Variants in VPS45 observed in about 807,000 individuals in gnomAD.
VPS45 encodes vacuolar protein sorting 45 homolog.
A neutral mutation model predicts 75.9 loss-of-function variants in VPS45; 35 were observed. The observed-to-expected ratio is 0.46, with a 90% CI of 0.35 to 0.61. The LOEUF (loss-of-function observed/expected upper bound fraction) is 0.61. Ranked by LOEUF, VPS45 falls within the 20% of genes least tolerant of loss-of-function variation. The probability of loss-of-function intolerance (pLI) is 0.00; values close to 1 mark genes in which losing one functional copy is unlikely to be tolerated. For synonymous variants in VPS45, 220 were observed against 238.2 expected (o/e 0.92, Z 0.70); for missense variants, 559 against 685.9 (o/e 0.81, Z 2.07).
At chr1:150,110,448 C>CT (rs782440802) in intron 13 of VPS45, 48 bp from the exon 14 acceptor site, 1,292 of 1,502,672 alleles carry the variant, frequency 8.6e-4, no homozygotes, top group South Asian at 1.6e-3. Flanking sequence ...AGTCACAGTC[C>CT]TTTTTTTTTC....
intron 10 of VPS45, among the ~76,000 whole-genome samples, chr1:150,090,324 C>G (rs1487587792): frequency 6.6e-6 from 1 of 152,206 alleles, no homozygotes; most frequent in Non-Finnish European, 1.5e-5. Context: ...TTCTCAACAA[C>G]CCAATATACT....
chr1:150,130,345 T>G (rs1047856994), intron 14 of VPS45, among the ~76,000 whole-genome samples: 1 of 151,800 alleles, frequency 6.6e-6, no homozygotes, highest in African/African-American at 2.4e-5. Flanking sequence ...TGTACCACCA[T>G]GCCCAACTAA....
rs1435775598 is a variant in VPS45, at chr1:150,082,654, G to A, written c.937-62G>A. 3.8e-6 allele frequency: 6 copies of A among 1,568,436 alleles called. No individual in the cohort carries two copies. In the Admixed American group the frequency reaches 9.1e-5, roughly 24 times the overall value. On this transcript the variant is annotated intron_variant, in intron 9 of 14. Transcript: ENST00000644510. ...CCCCGCTTTCCCCAACCCCCATTCAGTACATGCTTATCCTCAGTCAAAAAA... is the reference window on the plus strand; with the variant it reads ...CCCCGCTTTCCCCAACCCCCATTCAATACATGCTTATCCTCAGTCAAAAAA...
Position 150,116,616 on chromosome 1 carries a change from C to G in VPS45, c.1625+5989C>G, listed in dbSNP as rs192795883. On this transcript the variant is annotated intron_variant, in intron 14 of 14. Coordinates refer to ENST00000644510, the MANE Select transcript of VPS45 (RefSeq NM_007259.5). ...CTTGAATGCCTAATGCTGCATTATTCTCTAAATAATATTTAATAATTTAGG... is the reference window on the plus strand; with the variant it reads ...CTTGAATGCCTAATGCTGCATTATTGTCTAAATAATATTTAATAATTTAGG... Among the ~76,000 whole-genome samples, 33 of 152,302 alleles carry G rather than the reference C, an allele frequency of 2.2e-4. No homozygotes were observed. In the East Asian group the frequency reaches 5.6e-3, roughly 26 times the overall value.
rs782012794 is a variant in VPS45, at chr1:150,082,689, C to T, written c.937-27C>T. On this transcript the variant is annotated intron_variant, in intron 9 of 14. Transcript: ENST00000644510. ...ATCCTCAGTCAAAAAATAACAGAAC[C>T]TCCCATTGATGTTTTTCCCATGGCA... 17 of 1,601,620 alleles carry T rather than the reference C, an allele frequency of 1.1e-5. No individual in the cohort carries two copies. The South Asian group carries it at 1.9e-4, about 18-fold the overall frequency.
intron 13 of VPS45, among the ~76,000 whole-genome samples, chr1:150,107,552 C>G (rs1657398822): frequency 6.6e-6 from 1 of 152,130 alleles, no homozygotes; most frequent in Non-Finnish European, 1.5e-5. Context: ...CCAACTTTTC[C>G]CAACAGTTAC....
At chr1:150,142,247 G>A (rs1177824961) in intron 14 of VPS45, among the ~76,000 whole-genome samples, 2 of 152,072 alleles carry the variant, frequency 1.3e-5, no homozygotes, top group Non-Finnish European at 2.9e-5. Context: ...ATGAACCAAA[G>A]ATCCCCTGAT....
At chr1:150,072,271 G>C in intron 3 of VPS45, 45 bp downstream of exon 3, 1 of 1,417,030 alleles carries the variant, frequency 7.1e-7, no homozygotes, top group Non-Finnish European at 9.8e-7. Flanking sequence ...CAACATCCCA[G>C]TTAGTGTGTT....
chr1:150,099,028 T>C, intron 13 of VPS45: 2 of 1,091,458 alleles, frequency 1.8e-6, no homozygotes, highest in Non-Finnish European at 2.2e-6. Context: ...GCAGCAGTCC[T>C]TTTTCATTGG....
chr1:150,068,890 A>G (rs1654875589), intron 2 of VPS45, 126 bp downstream of exon 2: 1 of 1,069,258 alleles, frequency 9.4e-7, no homozygotes, highest in Non-Finnish European at 1.3e-6. Context: ...CTGGTTCATC[A>G]GTGTTATAAC....
chr1:150,143,702 G>A (rs1328402398), intron 14 of VPS45, among the ~76,000 whole-genome samples: 1 of 152,180 alleles, frequency 6.6e-6, no homozygotes, highest in Non-Finnish European at 1.5e-5. Flanking sequence ...TGAGTAGTTG[G>A]GCATGGATGG....
chr1:150,093,509 C>G lies in VPS45; in HGVS notation c.1372-18C>G, dbSNP rs1553802432. 6.2e-7 allele frequency: 1 copy of G among 1,603,728 alleles called. No individual in the cohort carries two copies. Among genetic ancestry groups the G allele is most frequent in the Non-Finnish European group, 8.5e-7 (1 of 1,175,970 alleles). ...AATTTCCCAAAAATGACATAAGAACCATTTTCCCCTGTTTTAGGGAGTAGA... is the reference window on the plus strand; with the variant it reads ...AATTTCCCAAAAATGACATAAGAACGATTTTCCCCTGTTTTAGGGAGTAGA... On this transcript the variant is annotated intron_variant, in intron 12 of 14. Coordinates refer to ENST00000644510, the MANE Select transcript of VPS45 (RefSeq NM_007259.5).
At chr1:150,090,468 C>T (rs1656271195) in intron 10 of VPS45, among the ~76,000 whole-genome samples, 1 of 152,032 alleles carries the variant, frequency 6.6e-6, no homozygotes. Flanking sequence ...TCTATAAAAA[C>T]ATGCACTAAA....
At chr1:150,097,283 A>G (rs1176901031) in intron 13 of VPS45, among the ~76,000 whole-genome samples, 1 of 150,732 alleles carries the variant, frequency 6.6e-6, no homozygotes, top group Non-Finnish European at 1.5e-5. Flanking sequence ...ATGGGGTCTC[A>G]CCATGTTGGT....
chr1:150,090,186 C>A (rs1361132922), intron 10 of VPS45, among the ~76,000 whole-genome samples: 1 of 152,178 alleles, frequency 6.6e-6, no homozygotes, highest in Non-Finnish European at 1.5e-5. Context: ...CAAACCAAGC[C>A]ATTTCTTCCT....
chr1:150,102,154 C>T (rs1024694685), intron 13 of VPS45, among the ~76,000 whole-genome samples: 1 of 145,344 alleles, frequency 6.9e-6, no homozygotes, highest in African/African-American at 2.6e-5. Context: ...AGCAGAATCA[C>T]TTGAACCCGG....
intron 14 of VPS45, chr1:150,142,929 A>AG (rs1553815682): frequency 6.9e-6 from 3 of 436,380 alleles, no homozygotes; most frequent in South Asian, 3.2e-5. Flanking sequence ...CTGGGATTAC[A>AG]GCGTAAGCCA....
Position 150,068,475 on chromosome 1 carries a change from A to G in VPS45, c.94-155A>G, listed in dbSNP as rs189895250. 301 of 604,786 alleles carry G rather than the reference A, an allele frequency of 5.0e-4. 1 individual carries two copies. In the African/African-American group the frequency reaches 5.2e-3, roughly 10 times the overall value. The allele number at this position is 604,786 out of a possible 1,614,324, so 37.5% of individuals were successfully genotyped here. ...GATAGAGCGTATTTTTCATTCTCGT[A>G]TGTTACCTACCTGTTTGGATGTTCA... is the stretch of plus-strand genomic sequence containing the variant. On this transcript the variant is annotated intron_variant, in intron 1 of 14. Coordinates refer to ENST00000644510, the MANE Select transcript of VPS45 (RefSeq NM_007259.5).
chr1:150,083,108 C>A, intron 10 of VPS45: 1 of 392,356 alleles, frequency 2.5e-6, no homozygotes, highest in Non-Finnish European at 4.5e-6. Context: ...TAAGGGCAGC[C>A]TAGTCTACTA....
Sources: gnomAD v4.1 joint callset for allele counts (sites outside exome capture counted in the v4.1 genomes callset) on GRCh38, gnomAD v4.1.1 for gene constraint, MANE v1.5 for transcripts, NCBI Gene and HGNC (gene_info 2026-07-23, HGNC 2026-07-21) for gene names.